The following TNRC6B variants were observed in gnomAD, a reference collection of about 807,000 sequenced individuals.
The protein encoded by TNRC6B is trinucleotide repeat containing adaptor 6B, also known as trinucleotide repeat-containing gene 6B protein.
In TNRC6B, 52 loss-of-function variants were observed where a neutral mutation model predicts 203.6. That is an observed-to-expected ratio of 0.26 (90% CI 0.20 to 0.32). The LOEUF is 0.32. TNRC6B is among the 10% of genes least tolerant of loss of function. The probability of loss-of-function intolerance (pLI) is 1.00; values close to 1 mark genes in which losing one functional copy is unlikely to be tolerated. For synonymous variants in TNRC6B, 838 were observed against 845.7 expected (o/e 0.99, Z 0.16); for missense variants, 1,923 against 2,286.2 (o/e 0.84, Z 3.24).
Position 40,300,397 on chromosome 22 carries a change from A to G in TNRC6B, c.3709-58A>G. On this transcript the variant is annotated intron_variant, in intron 12 of 22. Transcript: ENST00000454349. ...ATTCTTTTCACAGAAAAACAGTTTT[A>G]TTTTGATAAATTCTGAAGATTCCTT... 6 of 1,443,940 alleles carry G rather than the reference A, an allele frequency of 4.2e-6. No individual in the cohort carries two copies. The African/African-American group carries it at 5.8e-5, about 14-fold the overall frequency. The allele number at this position is 1,443,940 out of a possible 1,614,324, so 89.4% of individuals were successfully genotyped here. A position where few individuals can be genotyped will look rare whatever the true frequency, so the allele number is the denominator to read the frequency against.
intron 3 of TNRC6B, among the ~76,000 whole-genome samples, chr22:40,133,516 G>A (rs1333009897): frequency 6.6e-6 from 1 of 152,134 alleles, no homozygotes; most frequent in Non-Finnish European, 1.5e-5. Context: ...TGTGCCTAGG[G>A]CAAAGCAATG....
intron 1 of TNRC6B, among the ~76,000 whole-genome samples, chr22:40,206,104 G>A (rs1468004740): frequency 6.6e-6 from 1 of 152,108 alleles, no homozygotes; most frequent in Non-Finnish European, 1.5e-5. Context: ...TTAGGGAAAT[G>A]TCCAACACAT....
intron 2 of TNRC6B, among the ~76,000 whole-genome samples, chr22:40,120,083 G>A (rs1016876239): frequency 6.6e-6 from 1 of 152,148 alleles, no homozygotes; most frequent in African/African-American, 2.4e-5. Context: ...TGGAGGCCAG[G>A]AACTGTGGCT....
chr22:40,080,028 C>T (rs1387322344), intron 1 of TNRC6B, among the ~76,000 whole-genome samples: 2 of 151,534 alleles, frequency 1.3e-5, no homozygotes, highest in Non-Finnish European at 2.9e-5. Context: ...ATGTCCTGAC[C>T]TCATGATCTG....
chr22:40,312,398 A>G (rs2071196383), intron 17 of TNRC6B, 107 bp from the exon 18 acceptor site: 2 of 1,135,144 alleles, frequency 1.8e-6, no homozygotes, highest in African/African-American at 3.2e-5. Flanking sequence ...GAGACAATAA[A>G]TTCAGTATTT....
chr22:40,090,079 C>A (rs887169979), intron 1 of TNRC6B, among the ~76,000 whole-genome samples: 4 of 152,142 alleles, frequency 2.6e-5, no homozygotes, highest in African/African-American at 9.7e-5. Flanking sequence ...ATCCATTCAC[C>A]TATTGAAGGC....
upstream of TNRC6B, among the ~76,000 whole-genome samples, chr22:40,173,322 C>T (rs9611282): frequency 0.28 from 41,987 of 151,710 alleles, 6,546 homozygotes; most frequent in African/African-American, 0.41. Context: ...GTCTTGATCA[C>T]TTGACCTCGT....
intron 1 of TNRC6B, among the ~76,000 whole-genome samples, chr22:40,196,407 T>A (rs996259160): frequency 6.6e-6 from 1 of 152,074 alleles, no homozygotes; most frequent in African/African-American, 2.4e-5. Context: ...TGGTACTTAA[T>A]AGATCTAGAG....
chr22:40,139,089 G>A (rs1420651774), intron 3 of TNRC6B, among the ~76,000 whole-genome samples: 2 of 152,142 alleles, frequency 1.3e-5, no homozygotes, highest in South Asian at 4.1e-4. Context: ...TCCATTAGCA[G>A]TCACTCTCTA....
chr22:40,263,693 A>T (rs1432696114), intron 4 of TNRC6B, among the ~76,000 whole-genome samples: 2 of 152,230 alleles, frequency 1.3e-5, no homozygotes, highest in Non-Finnish European at 2.9e-5. Context: ...CAAATATGGT[A>T]AATTCCACCA....
In TNRC6B at chr22:40,265,227, A is replaced by T. The variant is rs2070458916; in HGVS notation, c.997A>T (p.Ser333Cys). 1 of 1,613,942 alleles carries T rather than the reference A, an allele frequency of 6.2e-7. No homozygotes were observed. The highest frequency in any genetic ancestry group is 1.1e-5 in the South Asian group (1 of 91,092). ...ATTGGAAACAGATAATAGTAATTCC[A>T]GTGCACAGGTTAGCACAGTAGGTCA... ...GALETDNSNS[S>C]AQVSTVGQTS... is the part of the protein sequence containing the mutation. The change falls in exon 5 of 23, where the codon AGT (serine) becomes TGT (cysteine). Residue 333 changes from serine (S) to cysteine (C), a missense_variant. This residue lies in a region of TNRC6B where 614 missense variants were observed against 587.7 expected (regional missense o/e 1.04). Coordinates refer to ENST00000454349, the MANE Select transcript of TNRC6B (RefSeq NM_001162501.2).
intron 1 of TNRC6B, among the ~76,000 whole-genome samples, chr22:40,095,589 T>G (rs1257053917): frequency 6.6e-6 from 1 of 151,778 alleles, no homozygotes; most frequent in Non-Finnish European, 1.5e-5. Flanking sequence ...GTAACCATGA[T>G]TTGTGACCAT....
intron 1 of TNRC6B, among the ~76,000 whole-genome samples, chr22:40,222,012 C>T (rs1445884226): frequency 6.6e-6 from 1 of 152,094 alleles, no homozygotes. Flanking sequence ...GGTAGGATGA[C>T]TTACATCTAA....
Position 40,301,333 on chromosome 22 carries a change from G to T in TNRC6B, c.4120G>T (p.Gly1374Cys). Residue 1374 changes from glycine (G) to cysteine (C), a missense_variant and splice_region_variant, in exon 15 of 23, where the codon GGC becomes TGC. Physicochemically the swap from Gly to Cys is radical, Grantham distance 159 (BLOSUM62 -3). Around this residue, in one of 8 missense-constraint regions of TNRC6B, gnomAD observed 242 missense variants for 399.5 expected, o/e 0.61. Transcript: ENST00000454349. ...TKGPIPGYGS[G>C]FSSGGMDYGM... ...AGGGCCAATACCTGGATATGGTTCT[G>T]GTAAGTTGTTGGTAGAGAAAATTAC... The T allele has an allele frequency of 6.2e-7, 1 of 1,605,522 alleles. No homozygotes were observed. The highest frequency in any genetic ancestry group is 2.2e-5 in the East Asian group (1 of 44,728).
At chr22:40,162,307 G>A (rs1042187711) in intron 4 of TNRC6B, among the ~76,000 whole-genome samples, 1 of 152,104 alleles carries the variant, frequency 6.6e-6, no homozygotes, top group African/African-American at 2.4e-5. Context: ...TGTTAGCCAG[G>A]ATGGTTTCAA....
At chr22:40,068,810 C>T (rs965909465) in intron 1 of TNRC6B, among the ~76,000 whole-genome samples, 1 of 152,090 alleles carries the variant, frequency 6.6e-6, no homozygotes, top group African/African-American at 2.4e-5. Context: ...TCTCAAACTC[C>T]TGGCCTGAAG....
intron 4 of TNRC6B, among the ~76,000 whole-genome samples, chr22:40,263,776 C>T (rs971138480): frequency 1.3e-5 from 2 of 152,222 alleles, no homozygotes; most frequent in Non-Finnish European, 2.9e-5. Flanking sequence ...AATTCATACT[C>T]ATGTGACACC....
At chr22:40,277,531 C>G (rs112471000) in intron 8 of TNRC6B, among the ~76,000 whole-genome samples, 2 of 152,316 alleles carry the variant, frequency 1.3e-5, no homozygotes, top group African/African-American at 4.8e-5. Flanking sequence ...ATAGGGAATT[C>G]TTGTAGAATT....
chr22:40,236,726 C>T (rs1379456849), intron 1 of TNRC6B, among the ~76,000 whole-genome samples: 1 of 152,168 alleles, frequency 6.6e-6, no homozygotes, highest in African/African-American at 2.4e-5. Flanking sequence ...TCTTATCATC[C>T]TTTCATTCCC....
Sources: allele counts gnomAD v4.1 joint callset (sites outside exome capture counted in the v4.1 genomes callset), GRCh38; gene constraint gnomAD v4.1.1; regional missense constraint gnomAD v4.1.1; transcripts MANE v1.5; gene names NCBI Gene and HGNC (gene_info 2026-07-23, HGNC 2026-07-21).